TXNDC15: variants seen among roughly 807,000 people sequenced by gnomAD.
The protein encoded by TXNDC15 is thioredoxin domain containing 15.
TXNDC15 carries 24 observed loss-of-function variants against 35.0 expected under a neutral mutation model. The observed-to-expected ratio is 0.68, with a 90% CI of 0.50 to 0.96. TXNDC15 has a LOEUF of 0.96. TXNDC15 is among the 40% of genes least tolerant of loss of function. The pLI is 0.00. For synonymous variants in TXNDC15, 169 were observed against 174.0 expected (o/e 0.97, Z 0.23); for missense variants, 385 against 453.3 (o/e 0.85, Z 1.37).
chr5:134,889,261 G>C (rs796782008), intron 2 of TXNDC15, among the ~76,000 whole-genome samples: 49 of 152,320 alleles, frequency 3.2e-4, no homozygotes, highest in African/African-American at 1.1e-3. Flanking sequence ...GTCTCACTCT[G>C]TCACCCAGGC....
chr5:134,874,981 A>G (rs1750003028), intron 1 of TXNDC15: 4 of 374,126 alleles, frequency 1.1e-5, no homozygotes, highest in Admixed American at 6.9e-5. Flanking sequence ...GGTTCCGTTT[A>G]GTGTCTCCAT....
At position 134,896,284 on chromosome 5, in the gene TXNDC15, T is replaced by A; in HGVS notation, c.756-10T>A. The A allele has an allele frequency of 6.2e-7, 1 of 1,604,364 alleles. No homozygotes were observed. Among genetic ancestry groups the A allele is most frequent in the Non-Finnish European group, 8.5e-7 (1 of 1,177,756 alleles). On this transcript the variant is annotated splice_polypyrimidine_tract_variant and intron_variant, in intron 3 of 4. Coordinates refer to ENST00000358387, the MANE Select transcript of TXNDC15 (RefSeq NM_024715.4). ...ATAAATTCAGGTTTTTTGACTTCTTTCTCTTGTAGCCTTTCTACCAGGTTT... is the reference window on the plus strand; with the variant it reads ...ATAAATTCAGGTTTTTTGACTTCTTACTCTTGTAGCCTTTCTACCAGGTTT...
chr5:134,877,287 G>A (rs1750052153), intron 1 of TXNDC15, among the ~76,000 whole-genome samples: 1 of 152,180 alleles, frequency 6.6e-6, no homozygotes, highest in Non-Finnish European at 1.5e-5. Flanking sequence ...GGATCTGATG[G>A]CCACAGGTGA....
Position 134,874,426 on chromosome 5 carries a change from CA to C in TXNDC15, c.1del. On this transcript the variant is annotated 5_prime_UTR_variant, in exon 1 of 5. Transcript: ENST00000358387. Reference sequence around the variant, plus strand: ...TGCGCCGATTGCCTCTCGGCCTGGGCAATGGTCCCGGCTGCCGGTCGACGAC... The same window carrying C: ...TGCGCCGATTGCCTCTCGGCCTGGGCATGGTCCCGGCTGCCGGTCGACGAC... The C allele has an allele frequency of 6.3e-7, 1 of 1,597,364 alleles. No homozygotes were observed. Among genetic ancestry groups the C allele is most frequent in the Non-Finnish European group, 8.5e-7 (1 of 1,175,590 alleles).
intron 1 of TXNDC15, among the ~76,000 whole-genome samples, chr5:134,880,848 GT>G (rs1025110271): frequency 3.3e-5 from 5 of 151,372 alleles, no homozygotes; most frequent in African/African-American, 7.3e-5. Flanking sequence ...ATGATGTTTT[GT>G]TTTTTTTCCT....
intron 1 of TXNDC15, among the ~76,000 whole-genome samples, chr5:134,880,957 T>C (rs1750129370): frequency 1.3e-5 from 2 of 152,028 alleles, no homozygotes; most frequent in Admixed American, 1.3e-4. Flanking sequence ...TTTGTTGAGC[T>C]TCTTAGATCT....
At position 134,874,388 on chromosome 5, in the gene TXNDC15, A is replaced by C. The variant is rs767770983; in HGVS notation, c.-40A>C. 7 of 1,519,306 alleles carry C rather than the reference A, an allele frequency of 4.6e-6. No individual in the cohort carries two copies. The highest frequency in any genetic ancestry group is 5.3e-6 in the Non-Finnish European group (6 of 1,131,122). The allele number at this position is 1,519,306 out of a possible 1,614,324, so 94.1% of individuals were successfully genotyped here. A position where few individuals can be genotyped will look rare whatever the true frequency, so the allele number is the denominator to read the frequency against. On this transcript the variant is annotated 5_prime_UTR_variant, in exon 1 of 5. Transcript: ENST00000358387. ...CAGCCTTCCTCCGGCTGGCAGCACG[A>C]CTCGCGTAGCCGTGCGCCGATTGCC...
chr5:134,896,633 T>A (rs917913880), intron 4 of TXNDC15, among the ~76,000 whole-genome samples: 21 of 151,520 alleles, frequency 1.4e-4, no homozygotes, highest in African/African-American at 4.6e-4. Context: ...TTAATTATTA[T>A]AGATACTTTT....
intron 2 of TXNDC15, 94 bp downstream of exon 2, chr5:134,888,276 G>C: frequency 7.8e-7 from 1 of 1,277,684 alleles, no homozygotes; most frequent in South Asian, 1.5e-5. Flanking sequence ...TCATGATCTT[G>C]ATCATATTGT....
chr5:134,877,756 C>T (rs1580856562), intron 1 of TXNDC15, among the ~76,000 whole-genome samples: 3 of 151,396 alleles, frequency 2.0e-5, no homozygotes, highest in African/African-American at 7.3e-5. Context: ...TACAGGCATG[C>T]GCCACCATGC....
At chr5:134,893,679 C>T (rs765088501) in intron 3 of TXNDC15, 24 bp downstream of exon 3, 26 of 1,613,442 alleles carry the variant, frequency 1.6e-5, no homozygotes, top group East Asian at 4.5e-5. Context: ...GTGGGGTTTA[C>T]GTCCATCCTC....
chr5:134,881,681 C>T (rs1468866409), intron 1 of TXNDC15, among the ~76,000 whole-genome samples: 1 of 145,566 alleles, frequency 6.9e-6, no homozygotes, highest in Non-Finnish European at 1.5e-5. Context: ...TCATCATGGC[C>T]CGTTCTCAAT....
At chr5:134,895,438 C>T (rs775206335) in intron 3 of TXNDC15, among the ~76,000 whole-genome samples, 15 of 152,328 alleles carry the variant, frequency 9.8e-5, no homozygotes, top group Middle Eastern at 3.4e-3. Flanking sequence ...CACACTGTCC[C>T]TCCTGCCTCT....
At chr5:134,888,682 A>G (rs1285800280) in intron 2 of TXNDC15, among the ~76,000 whole-genome samples, 1 of 152,072 alleles carries the variant, frequency 6.6e-6, no homozygotes, top group African/African-American at 2.4e-5. Context: ...GGGTTTCACC[A>G]TGTTGGCCAG....
At chr5:134,878,268 A>G (rs1249142330) in intron 1 of TXNDC15, among the ~76,000 whole-genome samples, 2 of 152,154 alleles carry the variant, frequency 1.3e-5, no homozygotes, top group African/African-American at 2.4e-5. Context: ...TGAATTGTAA[A>G]CACCACTCAT....
Position 134,887,668 on chromosome 5 carries a change from G to T in TXNDC15, c.104-27G>T. The T allele has an allele frequency of 2.0e-6, 3 of 1,529,652 alleles. No individual in the cohort carries two copies. The South Asian group carries it at 3.9e-5, about 20-fold the overall frequency. 94.8% of individuals were successfully genotyped at this position (1,529,652 alleles called of 1,614,324 possible). On this transcript the variant is annotated intron_variant, in intron 1 of 4. Transcript: ENST00000358387. Reference sequence around the variant, plus strand: ...GTTCATTTGTTTTGAAGTCAAATATGACTCTGAATGTGCTGGCATGTTTTA... The same window carrying T: ...GTTCATTTGTTTTGAAGTCAAATATTACTCTGAATGTGCTGGCATGTTTTA...
At chr5:134,888,879 A>G (rs1311092543) in intron 2 of TXNDC15, among the ~76,000 whole-genome samples, 1 of 135,124 alleles carries the variant, frequency 7.4e-6, no homozygotes, top group African/African-American at 2.8e-5. Flanking sequence ...TAGACTAGTA[A>G]TGCCCCTGGA....
chr5:134,899,932 C>G lies in TXNDC15; in HGVS notation c.*247C>G, dbSNP rs1437017783. On this transcript the variant is annotated 3_prime_UTR_variant, in exon 5 of 5. Coordinates refer to ENST00000358387, the MANE Select transcript of TXNDC15 (RefSeq NM_024715.4). Reference sequence around the variant, plus strand: ...TTGTTTTTACTGCATGAACGTAATCCAGTATTTGGAAAGTAATCCAGTTTG... The same window carrying G: ...TTGTTTTTACTGCATGAACGTAATCGAGTATTTGGAAAGTAATCCAGTTTG... The G allele has an allele frequency of 1.8e-5, 7 of 380,640 alleles. No individual in the cohort carries two copies. The highest frequency in any genetic ancestry group is 3.3e-5 in the Non-Finnish European group (7 of 214,808). 23.6% of individuals were successfully genotyped at this position (380,640 alleles called of 1,614,324 possible). A position where few individuals can be genotyped will look rare whatever the true frequency, so the allele number is the denominator to read the frequency against.
rs1455987156 is a variant in TXNDC15, at chr5:134,900,323, A to G, written c.*638A>G. The G allele has an allele frequency of 6.6e-6, 1 of 152,296 alleles. No homozygotes were observed. The highest frequency in any genetic ancestry group is 2.4e-5 in the African/African-American group (1 of 41,468). 9.4% of individuals were successfully genotyped at this position (152,296 alleles called of 1,614,324 possible). On this transcript the variant is annotated 3_prime_UTR_variant, in exon 5 of 5. Transcript: ENST00000358387. ...GCTCAATTATTATCAGTTCTATGCT[A>G]ACGTATACATTTTAATCATAGTTAC... is the stretch of plus-strand genomic sequence containing the variant.
Sources: gnomAD v4.1 joint callset for allele counts (sites outside exome capture counted in the v4.1 genomes callset) on GRCh38, gnomAD v4.1.1 for gene constraint, MANE v1.5 for transcripts, NCBI Gene and HGNC (gene_info 2026-07-23, HGNC 2026-07-21) for gene names.